ACOD1: variants seen among roughly 807,000 people sequenced by gnomAD.
ACOD1 encodes the protein aconitate decarboxylase 1.
In ACOD1, 14 loss-of-function variants were observed where a neutral mutation model predicts 14.2. The observed-to-expected ratio is 0.99, with a 90% CI of 0.65 to 1.54. ACOD1 has a LOEUF of 1.54. ACOD1 is among the 40% of genes most tolerant of loss of function. The probability of loss-of-function intolerance (pLI) is 0.00; values close to 1 mark genes in which losing one functional copy is unlikely to be tolerated. For missense variants in ACOD1, 530 were observed against 586.3 expected (o/e 0.90, Z 0.99); for synonymous variants, 182 against 221.7 (o/e 0.82, Z 1.59).
In ACOD1 at chr13:76,957,353, A is replaced by C. The variant is rs1018207074; in HGVS notation, c.814A>C (p.Lys272Gln). The change falls in exon 5 of 5, where the codon AAG (lysine) becomes CAG (glutamine). Residue 272 changes from lysine (K) to glutamine (Q), a missense_variant. Transcript: ENST00000377462. ...GCTGGACCAGCAGGACGTGGCCTTT[A>C]AGCGTTTTCCTGCACATTTATCTAC... The part of the protein sequence containing the change: ...WLLDQQDVAF[K>Q]RFPAHLSTHW... The C allele has an allele frequency of 9.0e-6, 14 of 1,550,526 alleles. No homozygotes were observed. In the East Asian group the frequency reaches 3.4e-4, roughly 38 times the overall value.
chr13:76,952,549 C>G lies in ACOD1; in HGVS notation c.73C>G (p.Arg25Gly). ...HGLKVGHLTDRVIQRSKRMIL... is the reference protein window; with the variant it reads ...HGLKVGHLTDGVIQRSKRMIL... ...CTTGAAAGTGGGACACCTGACAGAT[C>G]GTGTTATTCAGAGGAGCAAGAGGAT... Residue 25 changes from arginine to glycine, a missense_variant, in exon 2 of 5, where the codon CGT (arginine) becomes GGT (glycine). Coordinates refer to ENST00000377462, the MANE Select transcript of ACOD1 (RefSeq NM_001258406.2). 1 of 1,550,276 alleles carries G rather than the reference C, an allele frequency of 6.5e-7. No homozygotes were observed. The highest frequency in any genetic ancestry group is 8.7e-7 in the Non-Finnish European group (1 of 1,146,840).
At chr13:76,951,758 T>G (rs1424480046) in intron 1 of ACOD1, among the ~76,000 whole-genome samples, 1 of 152,142 alleles carries the variant, frequency 6.6e-6, no homozygotes, top group Non-Finnish European at 1.5e-5. Flanking sequence ...GAGATCCTAA[T>G]GAAAACAGAA....
chr13:76,953,677 G>A lies in ACOD1; in HGVS notation c.252G>A (p.Val84=), dbSNP rs1233602290. The part of the protein sequence containing the change: ...IRLPPTYAAF[V]NGVAIHSMDF... ...TCCCGCCCACATATGCTGCTTTTGTGAACGGTGTGGCTGTAAGGAGGTTTT... is the reference window on the plus strand; with the variant it reads ...TCCCGCCCACATATGCTGCTTTTGTAAACGGTGTGGCTGTAAGGAGGTTTT... Residue 84 remains valine (V), a synonymous_variant, in exon 3 of 5, where the codon GTG becomes GTA. Coordinates refer to ENST00000377462, the MANE Select transcript of ACOD1 (RefSeq NM_001258406.2). The A allele has an allele frequency of 6.5e-7, 1 of 1,544,038 alleles. No homozygotes were observed. The highest frequency in any genetic ancestry group is 1.2e-5 in the South Asian group (1 of 83,856).
Position 76,957,356 on chromosome 13 carries a change from C to G in ACOD1, c.817C>G (p.Arg273Gly), listed in dbSNP as rs1303137386. 6.4e-7 allele frequency: 1 copy of G among 1,550,622 alleles called. No individual in the cohort carries two copies. The highest frequency in any genetic ancestry group is 2.4e-5 in the East Asian group (1 of 40,926). The change falls in exon 5 of 5, where the codon CGT becomes GGT. Residue 273 changes from arginine (R) to glycine (G), a missense_variant. Coordinates refer to ENST00000377462, the MANE Select transcript of ACOD1 (RefSeq NM_001258406.2). ...GGACCAGCAGGACGTGGCCTTTAAGCGTTTTCCTGCACATTTATCTACCCA... is the reference window on the plus strand; with the variant it reads ...GGACCAGCAGGACGTGGCCTTTAAGGGTTTTCCTGCACATTTATCTACCCA... Reference protein sequence around the residue: ...LLDQQDVAFKRFPAHLSTHWV... With the variant: ...LLDQQDVAFKGFPAHLSTHWV...
At chr13:76,956,549 G>T (rs187360920) in intron 4 of ACOD1, among the ~76,000 whole-genome samples, 2 of 151,108 alleles carry the variant, frequency 1.3e-5, no homozygotes, top group East Asian at 2.0e-4. Flanking sequence ...GTCTCACTCT[G>T]TCACCTAGGC....
Position 76,957,215 on chromosome 13 carries a change from A to G in ACOD1, c.676A>G (p.Met226Val). 4 of 1,550,620 alleles carry G rather than the reference A, an allele frequency of 2.6e-6. No individual in the cohort carries two copies. The highest frequency in any genetic ancestry group is 3.5e-6 in the Non-Finnish European group (4 of 1,146,986). ...KHGIEAAFLA[M>V]LGLQGNKQVL... The stretch of plus-strand genomic sequence containing the variant: ...TGGGATAGAAGCTGCATTTTTGGCA[A>G]TGTTGGGTCTCCAAGGAAACAAGCA... Residue 226 changes from methionine to valine, a missense_variant, in exon 5 of 5, where the codon ATG becomes GTG. Physicochemically the swap from Met to Val is conservative, Grantham distance 21 (BLOSUM62 1). Transcript: ENST00000377462.
In ACOD1 at chr13:76,955,419, G is replaced by C. The variant is rs764190577; in HGVS notation, c.365G>C (p.Ser122Thr). ...LTALAEALPRSPKFSGLDLLL... is the reference protein window; with the variant it reads ...LTALAEALPRTPKFSGLDLLL... ...GCTTTAGCAGAAGCCCTGCCAAGGA[G>C]TCCAAAGTTTTCTGGCCTTGACCTG... The change falls in exon 4 of 5, where the codon AGT becomes ACT. Residue 122 changes from serine to threonine, a missense_variant. Physicochemically the swap from Ser to Thr is moderately conservative, Grantham distance 58 (BLOSUM62 1). Transcript: ENST00000377462. 1 of 1,550,636 alleles carries C rather than the reference G, an allele frequency of 6.4e-7. No individual in the cohort carries two copies. The highest frequency in any genetic ancestry group is 2.0e-5 in the Admixed American group (1 of 51,006).
chr13:76,950,652 A>T (rs1278445540), intron 1 of ACOD1, among the ~76,000 whole-genome samples: 1 of 152,138 alleles, frequency 6.6e-6, no homozygotes, highest in Non-Finnish European at 1.5e-5. Context: ...TCTCTTGGCC[A>T]ATGGCACTGC....
At position 76,955,344 on chromosome 13, in the gene ACOD1, C is replaced by T. The variant is rs767323284; in HGVS notation, c.290C>T (p.Thr97Met). Residue 97 changes from threonine to methionine, a missense_variant, in exon 4 of 5, where the codon ACG (threonine) becomes ATG (methionine). Thr to Met is a moderately conservative substitution (Grantham distance 81). Transcript: ENST00000377462. The stretch of plus-strand genomic sequence containing the variant: ...ATTCACTCCATGGATTTTGATGACA[C>T]GTGGCACCCTGCCACCCACCCTTCT... ...VAIHSMDFDD[T>M]WHPATHPSGA... is the part of the protein sequence containing the mutation. 18 of 1,550,306 alleles carry T rather than the reference C, an allele frequency of 1.2e-5. No homozygotes were observed. Among genetic ancestry groups the T allele is most frequent in the Middle Eastern group, 1.7e-4 (1 of 5,934 alleles).
At chr13:76,956,467 T>G (rs2033876756) in intron 4 of ACOD1, among the ~76,000 whole-genome samples, 1 of 152,198 alleles carries the variant, frequency 6.6e-6, no homozygotes, top group African/African-American at 2.4e-5. Context: ...CCCAAAGTGC[T>G]GGGATTACAG....
Position 76,955,510 on chromosome 13 carries a change from T to C in ACOD1, c.456T>C (p.Asn152=). The C allele has an allele frequency of 6.4e-7, 1 of 1,550,636 alleles. No individual in the cohort carries two copies. Residue 152 remains asparagine (N), a synonymous_variant, in exon 4 of 5, where the codon AAT becomes AAC. Transcript: ENST00000377462. ...TACTGCATTTCGCCAAGGAGGCCAATGACATGCCAAAGAGGTATGGAGAGA... is the reference window on the plus strand; with the variant it reads ...TACTGCATTTCGCCAAGGAGGCCAACGACATGCCAAAGAGGTATGGAGAGA... The part of the protein sequence containing the change: ...GRLLHFAKEA[N]DMPKRFHPPS...
Position 76,952,520 on chromosome 13 carries a change from A to G in ACOD1, c.44A>G (p.His15Arg), listed in dbSNP as rs570108577. The G allele has an allele frequency of 1.4e-4, 223 of 1,550,476 alleles. 1 individual carries two copies. Among genetic ancestry groups the G allele is most frequent in the Admixed American group, 4.1e-4 (21 of 50,984 alleles). ...ACAGAAAGCTTTGCCACAGCAATCC[A>G]TGGCTTGAAAGTGGGACACCTGACA... ...SITESFATAI[H>R]GLKVGHLTDR... Residue 15 changes from histidine (H) to arginine (R), a missense_variant, in exon 2 of 5, where the codon CAT becomes CGT. Physicochemically the swap from His to Arg is conservative, Grantham distance 29 (BLOSUM62 0). Coordinates refer to ENST00000377462, the MANE Select transcript of ACOD1 (RefSeq NM_001258406.2).
intron 4 of ACOD1, 124 bp downstream of exon 4, chr13:76,955,648 G>C (rs1430588134): frequency 9.9e-6 from 8 of 806,936 alleles, no homozygotes; most frequent in Admixed American, 2.5e-5. Flanking sequence ...AGCACAGGTA[G>C]ATAAGTCAAT....
chr13:76,956,242 G>A (rs2033874118), intron 4 of ACOD1, among the ~76,000 whole-genome samples: 1 of 152,112 alleles, frequency 6.6e-6, no homozygotes. Context: ...TCGCTCTGTT[G>A]CCAGGCTGGA....
chr13:76,948,685 T>C, intron 1 of ACOD1, 115 bp downstream of exon 1: 1 of 821,994 alleles, frequency 1.2e-6, no homozygotes, highest in Non-Finnish European at 1.9e-6. Context: ...GCTTTAACTT[T>C]TCTTTCAACC....
Position 76,955,450 on chromosome 13 carries a change from G to A in ACOD1, c.396G>A (p.Leu132=). ...AGTTTTCTGGCCTTGACCTGCTGCT[G>A]GCTTTCAATGTTGGTATTGAAGTGC... ...SPKFSGLDLL[L]AFNVGIEVQG... Residue 132 remains leucine, a synonymous_variant, in exon 4 of 5, where the codon CTG becomes CTA. Transcript: ENST00000377462. 6.4e-7 allele frequency: 1 copy of A among 1,550,636 alleles called. No individual in the cohort carries two copies. The highest frequency in any genetic ancestry group is 1.2e-5 in the South Asian group (1 of 84,060).
Position 76,957,250 on chromosome 13 carries a change from C to T in ACOD1, c.711C>T (p.Asp237=). 1 of 1,550,650 alleles carries T rather than the reference C, an allele frequency of 6.4e-7. No homozygotes were observed. Among genetic ancestry groups the T allele is most frequent in the Admixed American group, 2.0e-5 (1 of 51,010 alleles). The change falls in exon 5 of 5, where the codon GAC becomes GAT. Residue 237 remains aspartate, a synonymous_variant. Transcript: ENST00000377462. The stretch of plus-strand genomic sequence containing the variant: ...TCCAAGGAAACAAGCAGGTCTTGGA[C>T]TTGGAGGCAGGATTTGGGGCCTTTT... ...LGLQGNKQVL[D]LEAGFGAFYA...
In ACOD1 at chr13:76,957,197, G is replaced by T; in HGVS notation, c.658G>T (p.Glu220Ter). The T allele has an allele frequency of 1.3e-6, 2 of 1,550,654 alleles. No homozygotes were observed. Among genetic ancestry groups the T allele is most frequent in the Middle Eastern group, 1.7e-4 (1 of 5,992 alleles). Residue 220 changes from glutamate (E) to a stop codon, truncating the protein, a stop_gained, in exon 5 of 5, where the codon GAA (glutamate) becomes TAA (stop). Coordinates refer to ENST00000377462, the MANE Select transcript of ACOD1 (RefSeq NM_001258406.2). LOFTEE classifies it low-confidence loss of function (END_TRUNC). The part of the protein sequence containing the change: ...HIGNAAKHGI[E>*]AAFLAMLGLQ... The stretch of plus-strand genomic sequence containing the variant: ...TGGCAATGCTGCCAAGCATGGGATA[G>T]AAGCTGCATTTTTGGCAATGTTGGG...
chr13:76,948,608 T>C (rs2137742114), intron 1 of ACOD1, 38 bp downstream of exon 1: 1 of 1,509,624 alleles, frequency 6.6e-7, no homozygotes, highest in Middle Eastern at 1.7e-4. Flanking sequence ...TAAATTGCTT[T>C]TCTAGCAGAC....
Sources: gnomAD v4.1 joint callset for allele counts (sites outside exome capture counted in the v4.1 genomes callset) on GRCh38, gnomAD v4.1.1 for gene constraint, MANE v1.5 for transcripts, NCBI Gene and HGNC (gene_info 2026-07-23, HGNC 2026-07-21) for gene names.